The following ADGRF5 variants were observed in gnomAD, a reference collection of about 807,000 sequenced individuals.
The protein encoded by ADGRF5 is G-protein coupled receptor 116.
Under a neutral mutation model 132.3 loss-of-function variants are expected in ADGRF5, and 75 were observed. The ratio of observed to expected loss-of-function variants is 0.57; its 90% CI spans 0.47 to 0.69. The LOEUF is 0.69. ADGRF5 is among the 30% of genes least tolerant of loss of function. The probability of loss-of-function intolerance (pLI) is 0.00; values close to 1 mark genes in which losing one functional copy is unlikely to be tolerated. For synonymous variants in ADGRF5, 629 were observed against 597.6 expected (o/e 1.05, Z -0.77); for missense variants, 1,516 against 1,630.6 (o/e 0.93, Z 1.21).
At position 46,906,661 on chromosome 6, in the gene ADGRF5, C is replaced by A. The variant is rs780974808; in HGVS notation, c.102G>T (p.Leu34Phe). ...NWNYESTIHP[L>F]SLHEHEPAGE... ...TATAGCAGATATGGATATAACTCACCAAAGGATGAATAGTAGACTCGTAAT... is the reference window on the plus strand; with the variant it reads ...TATAGCAGATATGGATATAACTCACAAAAGGATGAATAGTAGACTCGTAAT... The change falls in exon 2 of 21, where the codon TTG becomes TTT. Residue 34 changes from leucine (L) to phenylalanine (F), a missense_variant and splice_region_variant. This residue lies in a region of ADGRF5 where 945 missense variants were observed against 929.4 expected (regional missense o/e 1.02). Transcript: ENST00000283296. 14 of 1,462,174 alleles carry A rather than the reference C, an allele frequency of 9.6e-6. No individual in the cohort carries two copies. Among genetic ancestry groups the A allele is most frequent in the Non-Finnish European group, 1.3e-5 (14 of 1,042,804 alleles). The allele number at this position is 1,462,174 out of a possible 1,614,324, so 90.6% of individuals were successfully genotyped here.
chr6:46,877,273 T>C (rs1562174305), intron 10 of ADGRF5, among the ~76,000 whole-genome samples: 42 of 42,362 alleles, frequency 9.9e-4, no homozygotes, highest in Middle Eastern at 9.3e-3. Context: ...CTTTCTTTCT[T>C]TCTTTCTTTC....
intron 6 of ADGRF5, 80 bp from the exon 7 acceptor site, chr6:46,882,187 C>A (rs1171885746): frequency 3.3e-6 from 3 of 912,962 alleles, no homozygotes; most frequent in East Asian, 2.4e-5. Flanking sequence ...AGAGTAAAAA[C>A]CACATATTCC....
intron 11 of ADGRF5, among the ~76,000 whole-genome samples, chr6:46,869,582 A>C (rs1770825735): frequency 6.6e-6 from 1 of 152,138 alleles, no homozygotes; most frequent in African/African-American, 2.4e-5. Context: ...GTGAGCCCTC[A>C]AGGGCAGACC....
At chr6:46,860,426 A>T (rs1769606845) in intron 16 of ADGRF5, among the ~76,000 whole-genome samples, 1 of 152,230 alleles carries the variant, frequency 6.6e-6, no homozygotes, top group Non-Finnish European at 1.5e-5. Flanking sequence ...CATCTTGTAT[A>T]TTCTGAAAAC....
intron 5 of ADGRF5, 79 bp from the exon 6 acceptor site, chr6:46,883,744 TTTTG>T (rs1772747423): frequency 7.5e-6 from 6 of 796,910 alleles, no homozygotes; most frequent in Non-Finnish European, 1.2e-5. Flanking sequence ...TGTAAGCTGT[TTTTG>T]TTTGTTTGTT....
intron 1 of ADGRF5, among the ~76,000 whole-genome samples, chr6:46,941,275 A>G (rs182921482): frequency 3.3e-3 from 503 of 152,046 alleles, no homozygotes; most frequent in Middle Eastern, 0.014. Context: ...GGCTGCAGTG[A>G]GCTATGATTT....
intron 2 of ADGRF5, among the ~76,000 whole-genome samples, chr6:46,904,014 A>G (rs934393342): frequency 6.6e-6 from 1 of 152,160 alleles, no homozygotes; most frequent in Non-Finnish European, 1.5e-5. Flanking sequence ...CTGGGCTTCC[A>G]CTCAGACCTG....
At chr6:46,896,209 G>A (rs550596824) in intron 3 of ADGRF5, among the ~76,000 whole-genome samples, 1 of 152,138 alleles carries the variant, frequency 6.6e-6, no homozygotes, top group Non-Finnish European at 1.5e-5. Context: ...CTCTGTGGCA[G>A]CCGCTCAGCT....
At position 46,863,053 on chromosome 6, in the gene ADGRF5, C is replaced by A; in HGVS notation, c.2034G>T (p.Glu678Asp). 6.2e-7 allele frequency: 1 copy of A among 1,614,034 alleles called. No individual in the cohort carries two copies. The highest frequency in any genetic ancestry group is 8.5e-7 in the Non-Finnish European group (1 of 1,179,960). ...TCQDPVIGVGEPGKVIQKLCR... is the reference protein window; with the variant it reads ...TCQDPVIGVGDPGKVIQKLCR... ...ATAGCTTCTGGATGACTTTCCCCGGCTCTCCGACACCTATTACGGGATCCT... is the reference window on the plus strand; with the variant it reads ...ATAGCTTCTGGATGACTTTCCCCGGATCTCCGACACCTATTACGGGATCCT... The change falls in exon 15 of 21, where the codon GAG (glutamate) becomes GAT (aspartate). Residue 678 changes from glutamate to aspartate, a missense_variant. Glu to Asp is a conservative substitution (Grantham distance 45, BLOSUM62 2). Coordinates refer to ENST00000283296, the MANE Select transcript of ADGRF5 (RefSeq NM_001098518.2).
At chr6:46,883,512 A>G (rs1266006003) in intron 6 of ADGRF5, 47 bp downstream of exon 6, 1 of 901,178 alleles carries the variant, frequency 1.1e-6, no homozygotes, top group African/African-American at 1.7e-5. Context: ...GACTCAGTTC[A>G]GTCCAAACAG....
At chr6:46,869,939 A>G (rs1442666194) in intron 11 of ADGRF5, among the ~76,000 whole-genome samples, 1 of 152,114 alleles carries the variant, frequency 6.6e-6, no homozygotes, top group Non-Finnish European at 1.5e-5. Context: ...AATCAAAAAT[A>G]TTAATAAGAC....
intron 1 of ADGRF5, among the ~76,000 whole-genome samples, chr6:46,914,118 T>G (rs551137996): frequency 6.6e-6 from 1 of 152,326 alleles, no homozygotes; most frequent in East Asian, 1.9e-4. Flanking sequence ...GGATGATAGA[T>G]GGCAATGCCA....
intron 1 of ADGRF5, among the ~76,000 whole-genome samples, chr6:46,934,415 T>C (rs924283576): frequency 6.6e-6 from 1 of 152,182 alleles, no homozygotes. Context: ...TTTAAAGCAA[T>C]TGACTGAAAA....
At chr6:46,908,074 G>A (rs1387547731) in intron 1 of ADGRF5, 1 of 152,200 alleles carries the variant, frequency 6.6e-6, no homozygotes, top group African/African-American at 2.4e-5. Context: ...AGGGAAAATT[G>A]TATTTCAATT....
intron 3 of ADGRF5, among the ~76,000 whole-genome samples, chr6:46,897,640 T>C (rs980887790): frequency 6.6e-6 from 1 of 152,162 alleles, no homozygotes; most frequent in East Asian, 1.9e-4. Flanking sequence ...AGTGGTGCGA[T>C]CTCAGCTCAC....
At chr6:46,908,139 A>C (rs1775583331) in intron 1 of ADGRF5, 1 of 152,170 alleles carries the variant, frequency 6.6e-6, no homozygotes, top group Non-Finnish European at 1.5e-5. Context: ...TGGAAAACTG[A>C]TCCAATTTGC....
chr6:46,932,768 T>A (rs190652743), intron 1 of ADGRF5, among the ~76,000 whole-genome samples: 2 of 152,074 alleles, frequency 1.3e-5, no homozygotes, highest in Non-Finnish European at 2.9e-5. Context: ...CCCTACAGAG[T>A]CATTGCTCCT....
intron 1 of ADGRF5, among the ~76,000 whole-genome samples, chr6:46,953,651 G>A (rs6909290): frequency 0.081 from 3,405 of 41,876 alleles, 259 homozygotes; most frequent in East Asian, 0.18. Flanking sequence ...AGATATATGT[G>A]TATATATATA....
At chr6:46,946,784 G>A (rs2021916) in intron 1 of ADGRF5, among the ~76,000 whole-genome samples, 5 of 152,046 alleles carry the variant, frequency 3.3e-5, no homozygotes, top group Non-Finnish European at 7.4e-5. Flanking sequence ...CTCCAAGAAG[G>A]CACAGCCGTT....
Sources: allele counts gnomAD v4.1 joint callset (sites outside exome capture counted in the v4.1 genomes callset), GRCh38; gene constraint gnomAD v4.1.1; regional missense constraint gnomAD v4.1.1; transcripts MANE v1.5; gene names NCBI Gene and HGNC (gene_info 2026-07-23, HGNC 2026-07-21).